The following SLC35D4 variants were observed in gnomAD, a reference collection of about 807,000 sequenced individuals.
SLC35D4 encodes the protein solute carrier family 35 member D4.
chr18:23,430,288 G>T, the SLC35D4 span, among the ~76,000 whole-genome samples: 31 of 151,876 alleles, frequency 2.0e-4, no homozygotes, highest in African/African-American at 6.5e-4. Context: ...TGCCCAGACT[G>T]GTCCTGAACT....
At chr18:23,401,637 C>G in the SLC35D4 span, among the ~76,000 whole-genome samples, 60 of 152,306 alleles carry the variant, frequency 3.9e-4, no homozygotes, top group Middle Eastern at 3.4e-3. Context: ...ATACTGCAGG[C>G]AGGGCATTGA....
the SLC35D4 span, among the ~76,000 whole-genome samples, chr18:23,404,441 G>A: frequency 4.6e-5 from 7 of 151,838 alleles, no homozygotes; most frequent in African/African-American, 7.2e-5. Context: ...TTGGGAGGCC[G>A]AGGCAGGCGG....
At chr18:23,396,291 A>G in the SLC35D4 span, among the ~76,000 whole-genome samples, 1 of 152,226 alleles carries the variant, frequency 6.6e-6, no homozygotes, top group Admixed American at 6.5e-5. Context: ...CAATACATCT[A>G]CGGATTTTAA....
the SLC35D4 span, among the ~76,000 whole-genome samples, chr18:23,318,816 A>C: frequency 6.6e-6 from 1 of 152,132 alleles, no homozygotes; most frequent in African/African-American, 2.4e-5. Flanking sequence ...GAGTCTAGAA[A>C]CCTTATTTAG....
the SLC35D4 span, chr18:23,296,330 CTG>C: frequency 6.6e-6 from 1 of 151,432 alleles, no homozygotes; most frequent in Non-Finnish European, 1.5e-5. Flanking sequence ...GTTTTTGAGA[CTG>C]TCTCGCTCTG....
the SLC35D4 span, chr18:23,331,193 C>A: frequency 6.6e-5 from 10 of 152,284 alleles, no homozygotes; most frequent in Non-Finnish European, 1.3e-4. Flanking sequence ...AAAGCGCGCC[C>A]GTGTGGGGCA....
the SLC35D4 span, among the ~76,000 whole-genome samples, chr18:23,353,835 C>A: frequency 1.3e-5 from 2 of 152,320 alleles, no homozygotes; most frequent in East Asian, 3.9e-4. Context: ...CCCTTCCCAC[C>A]TTTTTGTCTC....
the SLC35D4 span, among the ~76,000 whole-genome samples, chr18:23,247,065 A>G: frequency 5.3e-5 from 8 of 152,222 alleles, no homozygotes; most frequent in East Asian, 1.3e-3. Context: ...CTTCAGTCCC[A>G]CACCAGAAAG....
the SLC35D4 span, among the ~76,000 whole-genome samples, chr18:23,410,248 A>G: frequency 6.6e-6 from 1 of 152,140 alleles, no homozygotes; most frequent in Non-Finnish European, 1.5e-5. Context: ...TGGGAGGCCG[A>G]GGTGGGCGGA....
At chr18:23,284,153 G>A in the SLC35D4 span, among the ~76,000 whole-genome samples, 1 of 152,134 alleles carries the variant, frequency 6.6e-6, no homozygotes, top group Non-Finnish European at 1.5e-5. Context: ...GGTTTTGGTG[G>A]GTTTTGGTCA....
the SLC35D4 span, chr18:23,356,481 C>G: frequency 9.2e-7 from 1 of 1,085,242 alleles, no homozygotes; most frequent in South Asian, 1.4e-5. This position sits in a 1 kb window ranked among gnomAD's most constrained non-coding sequence, Gnocchi z 4.1. Context: ...CTGCATCCAC[C>G]ACCACTCTCT....
the SLC35D4 span, among the ~76,000 whole-genome samples, chr18:23,273,632 A>G: frequency 2.0e-5 from 3 of 148,186 alleles, no homozygotes; most frequent in East Asian, 4.0e-4. Flanking sequence ...GAATGAATGA[A>G]TGAGGACTTC....
chr18:23,397,785 G>T, the SLC35D4 span, among the ~76,000 whole-genome samples: 27 of 152,354 alleles, frequency 1.8e-4, no homozygotes, highest in African/African-American at 6.5e-4. Context: ...AGGTGCAGTA[G>T]CTCATGCCTG....
chr18:23,286,508 T>C, the SLC35D4 span, among the ~76,000 whole-genome samples: 2 of 151,830 alleles, frequency 1.3e-5, no homozygotes, highest in African/African-American at 4.8e-5. Context: ...CCAGATCTTC[T>C]CAGCTTAGCG....
chr18:23,286,353 C>T, the SLC35D4 span, among the ~76,000 whole-genome samples: 7 of 152,304 alleles, frequency 4.6e-5, no homozygotes, highest in South Asian at 2.1e-4. Flanking sequence ...AAGGAATGCC[C>T]GCAGCCCAGG....
chr18:23,312,503 T>G, the SLC35D4 span, among the ~76,000 whole-genome samples: 1 of 152,164 alleles, frequency 6.6e-6, no homozygotes. Flanking sequence ...AAGGAACAAG[T>G]GTGCTGCTGC....
At chr18:23,284,737 A>G in the SLC35D4 span, among the ~76,000 whole-genome samples, 1 of 152,094 alleles carries the variant, frequency 6.6e-6, no homozygotes, top group East Asian at 1.9e-4. Flanking sequence ...CCACACTGGC[A>G]AATGTTATTT....
the SLC35D4 span, among the ~76,000 whole-genome samples, chr18:23,282,320 G>T: frequency 6.6e-6 from 1 of 152,230 alleles, no homozygotes; most frequent in African/African-American, 2.4e-5. Flanking sequence ...CTCCCCCCCA[G>T]TTGATCCTGG....
chr18:23,241,789 G>T, the SLC35D4 span, among the ~76,000 whole-genome samples: 1 of 152,148 alleles, frequency 6.6e-6, no homozygotes, highest in African/African-American at 2.4e-5. Context: ...ATATAAAAAG[G>T]CCCCTCGTCG....
Sources: gnomAD v4.1 joint callset for allele counts (sites outside exome capture counted in the v4.1 genomes callset) on GRCh38, gnomAD v4.1.1 for gene constraint, Gnocchi (gnomAD v3.1) non-coding constraint, MANE v1.5 for transcripts, NCBI Gene and HGNC (gene_info 2026-07-23, HGNC 2026-07-21) for gene names.